SHISA6: variants seen among roughly 807,000 people sequenced by gnomAD.
SHISA6 encodes the protein shisa family member 6.
Under a neutral mutation model 47.9 loss-of-function variants are expected in SHISA6, and 22 were observed. The observed-to-expected ratio is 0.46, with a 90% CI of 0.33 to 0.66. SHISA6 has a LOEUF of 0.66. Among genes scored for constraint, SHISA6 ranks in the 30% least tolerant of loss-of-function variants. SHISA6 has a pLI of 0.02. For synonymous variants in SHISA6, 388 were observed against 337.8 expected, an observed-to-expected ratio of 1.15 and a Z score of -1.63; for missense variants, 680 against 764.6, an observed-to-expected ratio of 0.89 and a Z score of 1.30.
rs533481194 is a variant in SHISA6 at position 11,371,531 on chromosome 17, C to T, written c.800-7883C>T. On this transcript the variant is annotated intron_variant, in intron 2 of 5. Transcript: ENST00000441885. ...GGGCTTATTTGTGCAGAGTATTAGACGAAGCACTTTATACACAGAATCTCA... is the reference window on the plus strand; with the variant it reads ...GGGCTTATTTGTGCAGAGTATTAGATGAAGCACTTTATACACAGAATCTCA... 7.2e-5 allele frequency among the ~76,000 whole-genome samples: 11 copies of T among 152,288 alleles called. No homozygotes were observed. In the South Asian group the frequency reaches 2.1e-3, roughly 29 times the overall value.
Position 11,394,998 on chromosome 17 carries a change from C to CTTTTTTTTTTTTTTTTTTTTTT in SHISA6, c.895+15510_895+15511insTTTTTTTTTTTTTTTTTTTTTT, listed in dbSNP as rs772109588. 1.9e-4 allele frequency among the ~76,000 whole-genome samples: 18 copies of CTTTTTTTTTTTTTTTTTTTTTT among 95,062 alleles called. 1 individual carries two copies. Among genetic ancestry groups the CTTTTTTTTTTTTTTTTTTTTTT allele is most frequent in the African/African-American group, 4.5e-4 (11 of 24,636 alleles). 62.4% of individuals were successfully genotyped at this position (95,062 alleles called of 152,430 possible). On this transcript the variant is annotated intron_variant, in intron 3 of 5. Transcript: ENST00000441885. ...GTGGCCCTTTATTTTTTTTTCTTTTCTTTTTTTTTTTTTTTTTTTTTGAGA... is the reference window on the plus strand; with the variant it reads ...GTGGCCCTTTATTTTTTTTTCTTTTCTTTTTTTTTTTTTTTTTTTTTTTTTTTTTTTTTTTTTTTTTTTGAGA...
intron 2 of SHISA6, among the ~76,000 whole-genome samples, chr17:11,280,281 G>C (rs1360909548): frequency 6.6e-6 from 1 of 152,142 alleles, no homozygotes; most frequent in Admixed American, 6.5e-5. Flanking sequence ...CAAATGATGG[G>C]ATTCTCTGCC....
intron 3 of SHISA6, among the ~76,000 whole-genome samples, chr17:11,515,953 C>T (rs1297202726): frequency 6.6e-6 from 1 of 152,178 alleles, no homozygotes; most frequent in African/African-American, 2.4e-5. Context: ...TCTGCTTAAT[C>T]TTTACAAGCA....
At chr17:11,283,946 G>A (rs1252748694) in intron 2 of SHISA6, among the ~76,000 whole-genome samples, 2 of 152,094 alleles carry the variant, frequency 1.3e-5, no homozygotes, top group Admixed American at 6.5e-5. Flanking sequence ...TTTTTGGTAG[G>A]TTGTTGTTCC....
At chr17:11,328,817 A>G (rs571118317) in intron 2 of SHISA6, among the ~76,000 whole-genome samples, 4 of 152,296 alleles carry the variant, frequency 2.6e-5, no homozygotes, top group African/African-American at 9.6e-5. Flanking sequence ...GAGGGAGGAA[A>G]GGGTGCCCCT....
intron 3 of SHISA6, among the ~76,000 whole-genome samples, chr17:11,392,700 A>G (rs534647324): frequency 6.6e-6 from 1 of 152,374 alleles, no homozygotes; most frequent in East Asian, 1.9e-4. Flanking sequence ...ATTCTGATAC[A>G]GCAACACAAA....
chr17:11,511,252 A>C (rs999745508), intron 3 of SHISA6, among the ~76,000 whole-genome samples: 6 of 152,080 alleles, frequency 3.9e-5, no homozygotes, highest in African/African-American at 1.4e-4. Context: ...ACATGGACAC[A>C]GGGAGGGCAG....
At chr17:11,408,435 T>A (rs1025018967) in intron 3 of SHISA6, among the ~76,000 whole-genome samples, 2 of 152,196 alleles carry the variant, frequency 1.3e-5, no homozygotes, top group African/African-American at 4.8e-5. Context: ...CAGGTGATTC[T>A]GATGTGTGCC....
chr17:11,481,283 T>A (rs1199454969), intron 3 of SHISA6, among the ~76,000 whole-genome samples: 9 of 148,928 alleles, frequency 6.0e-5, no homozygotes, highest in Non-Finnish European at 1.2e-4. Context: ...CTTCTCAAAA[T>A]ATATATATAT....
chr17:11,446,348 A>ACCTTC (rs560851696), intron 3 of SHISA6, among the ~76,000 whole-genome samples: 170 of 152,244 alleles, frequency 1.1e-3, no homozygotes, highest in African/African-American at 3.4e-3. Flanking sequence ...CACACACTAG[A>ACCTTC]CCTTCATCTA....
At position 11,558,717 on chromosome 17, in the gene SHISA6, G is replaced by A. The variant is rs188955816; in HGVS notation, c.*413G>A. On this transcript the variant is annotated 3_prime_UTR_variant, in exon 6 of 6. Transcript: ENST00000441885. ...TGCCTGGGTTTGAAGGGGCCAGCGGGTCCAATCAGTGGGCTGACCGGATAG... is the reference window on the plus strand; with the variant it reads ...TGCCTGGGTTTGAAGGGGCCAGCGGATCCAATCAGTGGGCTGACCGGATAG... 52 of 244,928 alleles carry A rather than the reference G, an allele frequency of 2.1e-4. 2 individuals carry two copies. The East Asian group carries it at 5.2e-3, about 25-fold the overall frequency. 15.2% of individuals were successfully genotyped at this position (244,928 alleles called of 1,614,324 possible). A position where few individuals can be genotyped will look rare whatever the true frequency, so the allele number is the denominator to read the frequency against.
intron 3 of SHISA6, among the ~76,000 whole-genome samples, chr17:11,460,643 A>G (rs56021423): frequency 0.27 from 40,538 of 152,112 alleles, 5,590 homozygotes; most frequent in Middle Eastern, 0.37. Context: ...TGCCTGCCTC[A>G]GTCTCCCAAA....
At chr17:11,307,706 G>C (rs921933134) in intron 2 of SHISA6, among the ~76,000 whole-genome samples, 2 of 152,176 alleles carry the variant, frequency 1.3e-5, no homozygotes, top group South Asian at 4.1e-4. Flanking sequence ...TTTGCATAAA[G>C]TCTATGCTCT....
intron 3 of SHISA6, among the ~76,000 whole-genome samples, chr17:11,395,885 T>C (rs1198100898): frequency 1.3e-5 from 2 of 152,180 alleles, no homozygotes; most frequent in Non-Finnish European, 1.5e-5. Context: ...ACTAGTAAAA[T>C]GTTGAATAGT....
chr17:11,412,523 G>T (rs1295162069), intron 3 of SHISA6, among the ~76,000 whole-genome samples: 1 of 150,774 alleles, frequency 6.6e-6, no homozygotes, highest in Non-Finnish European at 1.5e-5. Context: ...AAGCATGGTT[G>T]TGAAGAACAC....
intron 2 of SHISA6, among the ~76,000 whole-genome samples, chr17:11,297,071 G>A (rs1909777331): frequency 6.6e-6 from 1 of 152,118 alleles, no homozygotes; most frequent in Non-Finnish European, 1.5e-5. Context: ...GAACTGTGCT[G>A]ATGACATTTT....
chr17:11,513,345 G>C (rs891794258), intron 3 of SHISA6, among the ~76,000 whole-genome samples: 6 of 151,940 alleles, frequency 3.9e-5, no homozygotes, highest in Non-Finnish European at 1.5e-5. Flanking sequence ...GCATTTCTTT[G>C]ATCACTGAGG....
intron 1 of SHISA6, among the ~76,000 whole-genome samples, chr17:11,257,805 A>G (rs530670442): frequency 1.3e-5 from 2 of 152,336 alleles, no homozygotes; most frequent in South Asian, 4.1e-4. Flanking sequence ...TCTGCTTTCA[A>G]GAGAAATACA....
intron 2 of SHISA6, among the ~76,000 whole-genome samples, chr17:11,297,093 C>T (rs1403874318): frequency 1.3e-5 from 2 of 151,932 alleles, no homozygotes; most frequent in Non-Finnish European, 2.9e-5. Flanking sequence ...GGAAGTTTTG[C>T]TTGGAAAAGG....
Sources: gnomAD v4.1 joint callset for allele counts (sites outside exome capture counted in the v4.1 genomes callset) on GRCh38, gnomAD v4.1.1 for gene constraint, MANE v1.5 for transcripts, NCBI Gene and HGNC (gene_info 2026-07-23, HGNC 2026-07-21) for gene names.